The following EYS variants were observed in gnomAD, a reference collection of about 807,000 sequenced individuals.
The protein encoded by EYS is protein eyes shut homolog.
Under a neutral mutation model 282.1 loss-of-function variants are expected in EYS, and 250 were observed. That is an observed-to-expected ratio of 0.89 (90% CI 0.80 to 0.98). The LOEUF is 0.98. EYS is among the 50% of genes least tolerant of loss of function. The pLI is 0.00. For synonymous variants in EYS, 1,355 were observed against 1,282.9 expected (o/e 1.06, Z -1.20); for missense variants, 4,016 against 3,709.0 (o/e 1.08, Z -2.15).
At chr6:63,737,681 A>T (rs2149639295) in intron 41 of EYS, among the ~76,000 whole-genome samples, 1 of 152,196 alleles carries the variant, frequency 6.6e-6, no homozygotes, top group Non-Finnish European at 1.5e-5. Flanking sequence ...TCCTCCTTAT[A>T]CCTCTGGTAG....
chr6:64,508,070 T>G (rs1277222590), intron 26 of EYS, among the ~76,000 whole-genome samples: 1 of 152,168 alleles, frequency 6.6e-6, no homozygotes, highest in Non-Finnish European at 1.5e-5. Context: ...TGTTTGCATA[T>G]TTTCACGTTA....
At chr6:64,898,924 G>T (rs892589233) in intron 18 of EYS, among the ~76,000 whole-genome samples, 3 of 151,826 alleles carry the variant, frequency 2.0e-5, no homozygotes, top group African/African-American at 7.3e-5. Flanking sequence ...AAATATATAT[G>T]CATACAATAC....
At chr6:65,255,966 T>C (rs571364202) in intron 12 of EYS, among the ~76,000 whole-genome samples, 1 of 152,032 alleles carries the variant, frequency 6.6e-6, no homozygotes, top group East Asian at 1.9e-4. Flanking sequence ...TAAAAATAAA[T>C]CTACCATATG....
chr6:65,675,069 A>G (rs192130665), intron 1 of EYS, among the ~76,000 whole-genome samples: 5 of 152,094 alleles, frequency 3.3e-5, no homozygotes, highest in Non-Finnish European at 2.9e-5. Context: ...AAGACGTTTT[A>G]TGGAAGCCCC....
chr6:64,231,734 A>C (rs1446836991), intron 30 of EYS, among the ~76,000 whole-genome samples: 1 of 152,116 alleles, frequency 6.6e-6, no homozygotes, highest in African/African-American at 2.4e-5. Flanking sequence ...TCCACACAAA[A>C]GTTTCTCATT....
At chr6:65,177,917 G>A (rs1765267594) in intron 12 of EYS, among the ~76,000 whole-genome samples, 1 of 151,904 alleles carries the variant, frequency 6.6e-6, no homozygotes, top group Non-Finnish European at 1.5e-5. Context: ...GTATGAGAAT[G>A]ATTTTTTTTC....
At chr6:64,139,002 G>T (rs11969035) in intron 31 of EYS, among the ~76,000 whole-genome samples, 5,283 of 152,094 alleles carry the variant, frequency 0.035, 262 homozygotes, top group African/African-American at 0.11. Flanking sequence ...GGCATAATTG[G>T]GTTAATAGAC....
intron 40 of EYS, among the ~76,000 whole-genome samples, chr6:63,774,421 G>A (rs532122195): frequency 5.9e-5 from 9 of 152,014 alleles, no homozygotes; most frequent in South Asian, 2.1e-4. Context: ...CACCCATCTC[G>A]GCCTCCCAAA....
At chr6:64,485,887 A>C (rs182035647) in intron 26 of EYS, among the ~76,000 whole-genome samples, 182 of 151,646 alleles carry the variant, frequency 1.2e-3, no homozygotes, top group African/African-American at 4.3e-3. Flanking sequence ...ATTAGTCAAC[A>C]AATATTCATA....
intron 5 of EYS, among the ~76,000 whole-genome samples, chr6:65,438,230 C>A (rs547170661): frequency 1.4e-4 from 22 of 152,088 alleles, no homozygotes; most frequent in Middle Eastern, 3.4e-3. Flanking sequence ...TGTATATGTG[C>A]CACATTTTCT....
chr6:64,737,829 A>G (rs1055511593), intron 22 of EYS, among the ~76,000 whole-genome samples: 1 of 152,194 alleles, frequency 6.6e-6, no homozygotes. Flanking sequence ...GAGCACTGAC[A>G]TTCTCAAGAG....
intron 14 of EYS, among the ~76,000 whole-genome samples, chr6:64,974,333 T>G (rs184519401): frequency 1.3e-5 from 2 of 151,816 alleles, no homozygotes; most frequent in African/African-American, 4.8e-5. Flanking sequence ...TCATGTAAAA[T>G]CCAAGGTACT....
intron 22 of EYS, chr6:64,631,524 A>C (rs1010796255): frequency 6.6e-6 from 1 of 152,108 alleles, no homozygotes; most frequent in Non-Finnish European, 1.5e-5. Context: ...CTTTTATTTC[A>C]CATTTATTAA....
intron 38 of EYS, among the ~76,000 whole-genome samples, chr6:63,788,628 T>G (rs984087388): frequency 6.6e-6 from 1 of 152,158 alleles, no homozygotes; most frequent in African/African-American, 2.4e-5. Flanking sequence ...TTCATAGTTC[T>G]TTAGATAAAA....
chr6:65,070,934 A>C (rs1773885765), intron 12 of EYS, among the ~76,000 whole-genome samples: 1 of 151,936 alleles, frequency 6.6e-6, no homozygotes, highest in Non-Finnish European at 1.5e-5. Flanking sequence ...GGATGATAAT[A>C]TTAAATTGCA....
In EYS at chr6:65,688,578, G is replaced by A. The variant is rs548261058; in HGVS notation, c.-448+18557C>T. On this transcript the variant is annotated intron_variant, in intron 1 of 42. Transcript: ENST00000503581. ...GCCAAAATTGACAAATGGGATCGAA[G>A]TAAACTAAACCTACAGAATGGGAGA... Among the ~76,000 whole-genome samples the A allele has an allele frequency of 2.0e-5, 3 of 151,900 alleles. No individual in the cohort carries two copies. The East Asian group carries it at 5.8e-4, about 30-fold the overall frequency.
At chr6:64,355,195 C>T (rs898153168) in intron 29 of EYS, among the ~76,000 whole-genome samples, 1 of 151,526 alleles carries the variant, frequency 6.6e-6, no homozygotes, top group African/African-American at 2.4e-5. Flanking sequence ...CATAATTTCC[C>T]GATTGTGTGT....
chr6:64,527,416 A>G (rs953318649), intron 26 of EYS, among the ~76,000 whole-genome samples: 1 of 151,856 alleles, frequency 6.6e-6, no homozygotes, highest in Non-Finnish European at 1.5e-5. Flanking sequence ...ACTTTTGCAA[A>G]TAAAAATATA....
At chr6:65,616,206 A>C (rs1266444596) in intron 2 of EYS, among the ~76,000 whole-genome samples, 2 of 152,158 alleles carry the variant, frequency 1.3e-5, no homozygotes, top group Admixed American at 1.3e-4. Context: ...TGATGTAATG[A>C]CATTTTTCTA....
Sources: gnomAD v4.1 joint callset for allele counts (sites outside exome capture counted in the v4.1 genomes callset) on GRCh38, gnomAD v4.1.1 for gene constraint, MANE v1.5 for transcripts, NCBI Gene and HGNC (gene_info 2026-07-23, HGNC 2026-07-21) for gene names.